Variants in FLVCR2 observed in about 807,000 individuals in gnomAD.
FLVCR2 encodes choline/ethanolamine transporter FLVCR2.
A neutral mutation model predicts 48.9 loss-of-function variants in FLVCR2; 38 were observed. That is an observed-to-expected ratio of 0.78 (90% CI 0.60 to 1.02). The LOEUF (loss-of-function observed/expected upper bound fraction) is 1.02, where lower values mean the gene tolerates loss of function less well. FLVCR2 is among the 50% of genes least tolerant of loss of function. The pLI is 0.00. For missense variants in FLVCR2, 664 were observed against 663.3 expected (o/e 1.00, Z -0.01); for synonymous variants, 255 against 257.0 (o/e 0.99, Z 0.07).
At chr14:75,622,833 A>T (rs911831601) in intron 2 of FLVCR2, among the ~76,000 whole-genome samples, 1 of 152,228 alleles carries the variant, frequency 6.6e-6, no homozygotes, top group Non-Finnish European at 1.5e-5. Context: ...TTTTAAAAAA[A>T]TTATAAGAGT....
At chr14:75,594,793 C>G (rs1888975774) in intron 1 of FLVCR2, among the ~76,000 whole-genome samples, 1 of 151,872 alleles carries the variant, frequency 6.6e-6, no homozygotes, top group African/African-American at 2.4e-5. Context: ...GAACACAGCT[C>G]ACCTCAGCCC....
chr14:75,639,176 A>G (rs1487542979), intron 5 of FLVCR2, among the ~76,000 whole-genome samples, 176 bp from the exon 6 acceptor site: 1 of 152,210 alleles, frequency 6.6e-6, no homozygotes, highest in African/African-American at 2.4e-5. Flanking sequence ...ACGCCACTGC[A>G]CTCCAGCCTG....
chr14:75,589,749 A>G (rs1331229029), intron 1 of FLVCR2, among the ~76,000 whole-genome samples: 1 of 152,214 alleles, frequency 6.6e-6, no homozygotes, highest in Non-Finnish European at 1.5e-5. Flanking sequence ...CTCTTGCATT[A>G]TATGCGCCTG....
chr14:75,608,676 C>CCCTA (rs1444515019), intron 1 of FLVCR2, among the ~76,000 whole-genome samples: 1 of 152,268 alleles, frequency 6.6e-6, no homozygotes, highest in East Asian at 1.9e-4. Flanking sequence ...GCTTGGACAG[C>CCCTA]CCTTGTGAAG....
intron 1 of FLVCR2, among the ~76,000 whole-genome samples, chr14:75,586,221 G>A (rs891640708): frequency 6.6e-6 from 1 of 152,164 alleles, no homozygotes; most frequent in East Asian, 1.9e-4. Flanking sequence ...TTTGGGATAG[G>A]CGGTGGGTTA....
At chr14:75,590,030 A>G (rs1482564896) in intron 1 of FLVCR2, among the ~76,000 whole-genome samples, 1 of 152,238 alleles carries the variant, frequency 6.6e-6, no homozygotes, top group Non-Finnish European at 1.5e-5. Flanking sequence ...TATTCAGCTC[A>G]TGGTTCTGCA....
intron 1 of FLVCR2, among the ~76,000 whole-genome samples, chr14:75,599,170 T>C (rs1889098446): frequency 6.6e-6 from 1 of 152,184 alleles, no homozygotes; most frequent in African/African-American, 2.4e-5. Context: ...TTCAAAGCCA[T>C]AGGAAATTTC....
intron 1 of FLVCR2, among the ~76,000 whole-genome samples, chr14:75,600,299 G>C (rs1254717729): frequency 2.6e-5 from 4 of 152,088 alleles, no homozygotes; most frequent in African/African-American, 9.7e-5. Context: ...CTTAGTTCCT[G>C]GAATTGCCCA....
chr14:75,622,065 T>A lies in FLVCR2; in HGVS notation c.670-14T>A. 6.2e-7 allele frequency: 1 copy of A among 1,614,170 alleles called. No individual in the cohort carries two copies. The highest frequency in any genetic ancestry group is 8.5e-7 in the Non-Finnish European group (1 of 1,179,998). On this transcript the variant is annotated splice_polypyrimidine_tract_variant and intron_variant, in intron 1 of 9. Transcript: ENST00000238667. ...CATTGGTAACTGTGATTGGGTTGTC[T>A]CTGTCTTCTATAGCTTGGAATTGCG...
At chr14:75,623,028 C>A (rs892539746) in intron 2 of FLVCR2, among the ~76,000 whole-genome samples, 2 of 152,144 alleles carry the variant, frequency 1.3e-5, no homozygotes, top group Admixed American at 1.3e-4. Flanking sequence ...GTCACCCAGG[C>A]TGGAGTGCAG....
intron 1 of FLVCR2, among the ~76,000 whole-genome samples, chr14:75,581,215 C>T (rs1307647349): frequency 6.6e-6 from 1 of 152,082 alleles, no homozygotes; most frequent in Non-Finnish European, 1.5e-5. Context: ...AAACGGAAGA[C>T]ACAAGGTCTG....
rs548406990 is a variant in FLVCR2 at position 75,638,583 on chromosome 14, T to C, written c.1125-769T>C. ...CTTGGGATAAAGCAGACAAGCAGAATTGGACAGCTTCTGGGGTAGTCCTGA... is the reference window on the plus strand; with the variant it reads ...CTTGGGATAAAGCAGACAAGCAGAACTGGACAGCTTCTGGGGTAGTCCTGA... On this transcript the variant is annotated intron_variant, in intron 5 of 9. Coordinates refer to ENST00000238667, the MANE Select transcript of FLVCR2 (RefSeq NM_017791.3). Among the ~76,000 whole-genome samples, 5 of 152,318 alleles carry C rather than the reference T, an allele frequency of 3.3e-5. No individual in the cohort carries two copies. The South Asian group carries it at 1.0e-3, about 32-fold the overall frequency.
intron 3 of FLVCR2, among the ~76,000 whole-genome samples, chr14:75,625,582 A>G (rs992509340): frequency 1.3e-5 from 2 of 151,948 alleles, no homozygotes; most frequent in African/African-American, 4.9e-5. Flanking sequence ...TATTCAGCCT[A>G]CATTTGGTCA....
At chr14:75,611,534 G>A (rs1468227941) in intron 1 of FLVCR2, among the ~76,000 whole-genome samples, 1 of 152,084 alleles carries the variant, frequency 6.6e-6, no homozygotes, top group Non-Finnish European at 1.5e-5. Flanking sequence ...CCAGGAGTTC[G>A]AGACCAACCT....
chr14:75,637,513 T>C (rs1890194802), intron 5 of FLVCR2, among the ~76,000 whole-genome samples: 1 of 151,878 alleles, frequency 6.6e-6, no homozygotes, highest in Admixed American at 6.6e-5. Flanking sequence ...GATCATGAGG[T>C]CAGGAGATCG....
chr14:75,633,746 A>C, intron 4 of FLVCR2, 50 bp downstream of exon 4: 2 of 1,449,502 alleles, frequency 1.4e-6, no homozygotes, highest in Non-Finnish European at 1.9e-6. Flanking sequence ...ATAGTTTCTA[A>C]GTCTGTCTTG....
At chr14:75,614,105 A>G (rs914507734) in intron 1 of FLVCR2, among the ~76,000 whole-genome samples, 1 of 152,236 alleles carries the variant, frequency 6.6e-6, no homozygotes, top group Non-Finnish European at 1.5e-5. Flanking sequence ...ATGCTTTAAA[A>G]TTGCTCATTT....
At chr14:75,600,641 G>A (rs4375599) in intron 1 of FLVCR2, among the ~76,000 whole-genome samples, 6,039 of 152,166 alleles carry the variant, frequency 0.04, 225 homozygotes, top group Admixed American at 0.11. Flanking sequence ...AGGAAACAGA[G>A]AAAATGCTTT....
intron 1 of FLVCR2, among the ~76,000 whole-genome samples, chr14:75,589,363 G>A (rs1185933944): frequency 2.0e-5 from 3 of 152,168 alleles, no homozygotes; most frequent in Admixed American, 1.3e-4. Context: ...AAAACTCAAC[G>A]GGGAAAACAA....
Sources: allele counts gnomAD v4.1 joint callset (sites outside exome capture counted in the v4.1 genomes callset), GRCh38; gene constraint gnomAD v4.1.1; transcripts MANE v1.5; gene names NCBI Gene and HGNC (gene_info 2026-07-23, HGNC 2026-07-21).